The following GPC5 variants were observed in gnomAD, a reference collection of about 807,000 sequenced individuals.
GPC5 encodes glypican-5.
In GPC5, 47 loss-of-function variants were observed where a neutral mutation model predicts 53.9. The observed-to-expected ratio is 0.87, with a 90% confidence interval of 0.69 to 1.11. The LOEUF is 1.11. Among genes scored for constraint, GPC5 ranks in the 50% most tolerant of loss-of-function variants. The probability of loss-of-function intolerance (pLI) is 0.00; values close to 1 mark genes in which losing one functional copy is unlikely to be tolerated. For missense variants in GPC5, 748 were observed against 713.1 expected, an observed-to-expected ratio of 1.05 and a Z score of -0.56; for synonymous variants, 286 against 263.3, an observed-to-expected ratio of 1.09 and a Z score of -0.84.
intron 6 of GPC5, among the ~76,000 whole-genome samples, chr13:92,132,503 A>T (rs1176206496): frequency 6.6e-6 from 1 of 152,084 alleles, no homozygotes; most frequent in Non-Finnish European, 1.5e-5. Flanking sequence ...AATCTCTTGC[A>T]GGTTCTGGTG....
In GPC5 at chr13:92,214,827, C is replaced by A. The variant is rs533803901; in HGVS notation, c.1561+69838C>A. Among the ~76,000 whole-genome samples the A allele has an allele frequency of 2.0e-5, 3 of 152,274 alleles. No individual in the cohort carries two copies. The East Asian group carries it at 5.8e-4, about 29-fold the overall frequency. On this transcript the variant is annotated intron_variant, in intron 7 of 7. Transcript: ENST00000377067. The stretch of plus-strand genomic sequence containing the variant: ...TCCAATGCAGTCATAAAGGTCCTTA[C>A]AATGTGGGAGAGAGAGAAGAGACAG...
intron 6 of GPC5, among the ~76,000 whole-genome samples, chr13:92,097,072 C>T (rs924045860): frequency 3.3e-5 from 5 of 152,084 alleles, no homozygotes; most frequent in East Asian, 1.9e-4. Flanking sequence ...CTGTCTTAGA[C>T]GTATGAATGT....
At chr13:92,499,879 A>G (rs1480021275) in intron 7 of GPC5, among the ~76,000 whole-genome samples, 1 of 152,200 alleles carries the variant, frequency 6.6e-6, no homozygotes, top group Admixed American at 6.5e-5. Flanking sequence ...ACATGCAACT[A>G]TGAATCAAAC....
chr13:91,560,266 A>G (rs912085145), intron 2 of GPC5, among the ~76,000 whole-genome samples: 10 of 152,176 alleles, frequency 6.6e-5, no homozygotes, highest in African/African-American at 2.2e-4. Context: ...GAGATGACCT[A>G]GAAGATACTC....
At chr13:92,790,645 A>G (rs1330884704) in intron 7 of GPC5, among the ~76,000 whole-genome samples, 2 of 152,152 alleles carry the variant, frequency 1.3e-5, no homozygotes, top group Non-Finnish European at 2.9e-5. Flanking sequence ...AATACTTTTC[A>G]TGTGAAGAAG....
At chr13:91,478,900 T>TACACACAC in intron 2 of GPC5, among the ~76,000 whole-genome samples, 10 of 98,016 alleles carry the variant, frequency 1.0e-4, no homozygotes, top group African/African-American at 5.4e-4. Context: ...TATATATATA[T>TACACACAC]ATGCACATAT....
At chr13:92,149,166 C>T (rs2041889484) in intron 7 of GPC5, among the ~76,000 whole-genome samples, 1 of 151,990 alleles carries the variant, frequency 6.6e-6, no homozygotes, top group South Asian at 2.1e-4. Context: ...TGGGCTTCTC[C>T]TCATCATTCC....
chr13:92,820,565 C>T (rs910359443), intron 7 of GPC5, among the ~76,000 whole-genome samples: 4 of 152,098 alleles, frequency 2.6e-5, no homozygotes, highest in East Asian at 3.9e-4. Flanking sequence ...TTTGACAAAA[C>T]TCACAACGCC....
At chr13:91,603,530 A>T (rs556048387) in intron 2 of GPC5, among the ~76,000 whole-genome samples, 1 of 152,232 alleles carries the variant, frequency 6.6e-6, no homozygotes, top group African/African-American at 2.4e-5. Context: ...GTCCACAGGG[A>T]TATCTTTGAA....
At chr13:92,302,611 TATA>T (rs1460805181) in intron 7 of GPC5, among the ~76,000 whole-genome samples, 3 of 152,240 alleles carry the variant, frequency 2.0e-5, no homozygotes, top group African/African-American at 7.2e-5. Flanking sequence ...CTTATCATGA[TATA>T]ATAACATCTG....
At chr13:91,771,941 G>C (rs2037632851) in intron 5 of GPC5, among the ~76,000 whole-genome samples, 1 of 152,108 alleles carries the variant, frequency 6.6e-6, no homozygotes, top group Non-Finnish European at 1.5e-5. Flanking sequence ...ATAATTATTT[G>C]AGAAATGAAT....
intron 7 of GPC5, among the ~76,000 whole-genome samples, chr13:92,784,437 T>C (rs1456726651): frequency 2.6e-5 from 4 of 151,964 alleles, no homozygotes; most frequent in Non-Finnish European, 5.9e-5. Flanking sequence ...TTATTATACT[T>C]CCAGATATTG....
chr13:92,490,011 T>C (rs547402259), intron 7 of GPC5, among the ~76,000 whole-genome samples: 1 of 152,300 alleles, frequency 6.6e-6, no homozygotes, highest in African/African-American at 2.4e-5. Context: ...TTTTAACATG[T>C]GCTTCTTCCT....
rs1354041846 is a variant in GPC5, at chr13:92,108,653, T to C, written c.1402-36177T>C. 8.5e-5 allele frequency among the ~76,000 whole-genome samples: 13 copies of C among 152,248 alleles called. No homozygotes were observed. In the East Asian group the frequency reaches 2.3e-3, roughly 27 times the overall value. ...CCTCACATGTGATCAGAGACTCTCA[T>C]GTTGACTATTCGCAATCCTATTCTA... On this transcript the variant is annotated intron_variant, in intron 6 of 7. Coordinates refer to ENST00000377067, the MANE Select transcript of GPC5 (RefSeq NM_004466.6).
chr13:92,234,510 C>T (rs184307290), intron 7 of GPC5, among the ~76,000 whole-genome samples: 35 of 151,880 alleles, frequency 2.3e-4, no homozygotes, highest in Non-Finnish European at 4.4e-5. Flanking sequence ...AAGCAGAAAG[C>T]TTTTATATCT....
chr13:92,344,519 T>C (rs1424306049), intron 7 of GPC5, among the ~76,000 whole-genome samples: 1 of 152,176 alleles, frequency 6.6e-6, no homozygotes, highest in East Asian at 1.9e-4. Flanking sequence ...GATGATTCTA[T>C]ACATACACCA....
At chr13:92,414,873 T>C (rs773403892) in intron 7 of GPC5, among the ~76,000 whole-genome samples, 35 of 152,288 alleles carry the variant, frequency 2.3e-4, no homozygotes, top group Non-Finnish European at 4.7e-4. Flanking sequence ...AGCTCTGCCC[T>C]TTTGACCTTG....
chr13:91,537,200 G>A (rs181741366), intron 2 of GPC5, among the ~76,000 whole-genome samples: 2 of 151,926 alleles, frequency 1.3e-5, no homozygotes, highest in African/African-American at 4.8e-5. Flanking sequence ...TGATTTTAAA[G>A]GAAACGAGTT....
chr13:92,654,687 C>T (rs187803356), intron 7 of GPC5, among the ~76,000 whole-genome samples: 274 of 151,654 alleles, frequency 1.8e-3, no homozygotes, highest in African/African-American at 6.4e-3. Flanking sequence ...ATAATATTCT[C>T]ATGTCATGTT....
Sources: allele counts gnomAD v4.1 joint callset (sites outside exome capture counted in the v4.1 genomes callset), GRCh38; gene constraint gnomAD v4.1.1; transcripts MANE v1.5; gene names NCBI Gene and HGNC (gene_info 2026-07-23, HGNC 2026-07-21).